SPIDR: variants seen among roughly 807,000 people sequenced by gnomAD.
SPIDR encodes DNA repair-scaffolding protein.
A neutral mutation model predicts 104.6 loss-of-function variants in SPIDR; 93 were observed. The ratio of observed to expected loss-of-function variants is 0.89; its 90% CI spans 0.75 to 1.06. The LOEUF is 1.06. SPIDR is among the 50% of genes least tolerant of loss of function. The pLI is 0.00. For synonymous variants in SPIDR, 431 were observed against 416.9 expected, an observed-to-expected ratio of 1.03 and a Z score of -0.41; for missense variants, 1,154 against 1,111.2, an observed-to-expected ratio of 1.04 and a Z score of -0.55.
chr8:47,319,541 CAG>C (rs2046105946), intron 5 of SPIDR, among the ~76,000 whole-genome samples: 1 of 152,126 alleles, frequency 6.6e-6, no homozygotes, highest in Non-Finnish European at 1.5e-5. Flanking sequence ...ATCAGTGAGA[CAG>C]AAAGTTAACA....
intron 6 of SPIDR, among the ~76,000 whole-genome samples, chr8:47,403,388 T>G (rs2062206314): frequency 6.6e-6 from 1 of 152,130 alleles, no homozygotes; most frequent in Non-Finnish European, 1.5e-5. Context: ...TAAAGGGTGT[T>G]CAGTTAGGAA....
chr8:47,269,944 A>C (rs2034948201), intron 1 of SPIDR, among the ~76,000 whole-genome samples: 1 of 152,144 alleles, frequency 6.6e-6, no homozygotes, highest in Non-Finnish European at 1.5e-5. Flanking sequence ...TTATTTTGTT[A>C]ATATATGACA....
At chr8:47,437,363 G>A (rs1470935747) in intron 7 of SPIDR, among the ~76,000 whole-genome samples, 11 of 151,476 alleles carry the variant, frequency 7.3e-5, no homozygotes, top group Admixed American at 4.6e-4. Context: ...TTGTTCTTGC[G>A]ATAGTTTACT....
intron 8 of SPIDR, among the ~76,000 whole-genome samples, chr8:47,585,322 G>T (rs1008319164): frequency 6.6e-6 from 1 of 152,104 alleles, no homozygotes; most frequent in African/African-American, 2.4e-5. Context: ...CTTAATATAT[G>T]GAAGTCTTAA....
rs533529282 is a variant in SPIDR, at chr8:47,431,331, C to G, written c.878-8992C>G. On this transcript the variant is annotated intron_variant, in intron 7 of 19. Coordinates refer to ENST00000297423, the MANE Select transcript of SPIDR (RefSeq NM_001080394.4). ...AATACAACCAGACTGAAGGTTAGGA[C>G]TTCAACATAGGAATTTTGAGGGGAC... Among the ~76,000 whole-genome samples the G allele has an allele frequency of 2.8e-4, 43 of 152,342 alleles. No homozygotes were observed. In the South Asian group the frequency reaches 8.7e-3, roughly 31 times the overall value.
chr8:47,479,344 G>A (rs1303592762), intron 8 of SPIDR, among the ~76,000 whole-genome samples: 4 of 149,792 alleles, frequency 2.7e-5, no homozygotes, highest in African/African-American at 9.8e-5. Context: ...GGGCAACAGA[G>A]TGAGACTCTC....
intron 8 of SPIDR, among the ~76,000 whole-genome samples, chr8:47,485,831 A>T (rs1165657543): frequency 1.3e-5 from 2 of 152,238 alleles, no homozygotes; most frequent in Non-Finnish European, 2.9e-5. Flanking sequence ...AAGGACATCC[A>T]CACCAAAACC....
intron 5 of SPIDR, among the ~76,000 whole-genome samples, chr8:47,328,772 CATCT>C (rs2048139597): frequency 6.6e-6 from 1 of 152,054 alleles, no homozygotes; most frequent in African/African-American, 2.4e-5. Context: ...GATATAGTTG[CATCT>C]ATGTACACCA....
chr8:47,282,376 T>G (rs1414127449), intron 2 of SPIDR, among the ~76,000 whole-genome samples: 17 of 152,268 alleles, frequency 1.1e-4, no homozygotes, highest in Admixed American at 9.8e-4. Context: ...ATAAGGCTCT[T>G]TCATCTATAT....
intron 7 of SPIDR, among the ~76,000 whole-genome samples, chr8:47,416,031 G>A (rs1229912957): frequency 1.3e-5 from 2 of 152,178 alleles, no homozygotes; most frequent in Non-Finnish European, 2.9e-5. Flanking sequence ...AGATCACAAG[G>A]TCAGGAGTTT....
At chr8:47,395,598 A>G (rs1347317059) in intron 5 of SPIDR, among the ~76,000 whole-genome samples, 2 of 152,198 alleles carry the variant, frequency 1.3e-5, no homozygotes, top group African/African-American at 2.4e-5. Flanking sequence ...TAAATTTGGC[A>G]TGTGTCTTGG....
intron 11 of SPIDR, among the ~76,000 whole-genome samples, chr8:47,688,714 G>A (rs1421176678): frequency 6.6e-6 from 1 of 152,240 alleles, no homozygotes; most frequent in South Asian, 2.1e-4. Flanking sequence ...TGCACATCGT[G>A]GGGGTGGGGT....
chr8:47,319,398 G>T (rs201658588), intron 5 of SPIDR, among the ~76,000 whole-genome samples: 6 of 152,134 alleles, frequency 3.9e-5, no homozygotes, highest in Non-Finnish European at 5.9e-5. Context: ...GAGCTAGCTA[G>T]CCTAAATATA....
intron 7 of SPIDR, among the ~76,000 whole-genome samples, chr8:47,419,454 C>T (rs371147301): frequency 2.0e-5 from 3 of 152,190 alleles, no homozygotes; most frequent in South Asian, 2.1e-4. Flanking sequence ...TCTGTGGGAT[C>T]GGTGGTGATA....
chr8:47,359,103 G>T (rs1047953882), intron 5 of SPIDR, among the ~76,000 whole-genome samples: 1 of 150,540 alleles, frequency 6.6e-6, no homozygotes, highest in Non-Finnish European at 1.5e-5. Context: ...AAAAAAAAAA[G>T]TTTTTTTTTA....
At chr8:47,271,746 A>AT (rs1226856746) in intron 1 of SPIDR, among the ~76,000 whole-genome samples, 7 of 151,928 alleles carry the variant, frequency 4.6e-5, no homozygotes, top group African/African-American at 1.7e-4. Context: ...TTTTGACTAC[A>AT]TTTTTTCCTT....
chr8:47,649,167 C>T (rs2071130963), intron 10 of SPIDR, among the ~76,000 whole-genome samples: 1 of 151,690 alleles, frequency 6.6e-6, no homozygotes. Context: ...CACTGGAGCC[C>T]AGGAGTTTGA....
rs2075871080 is a variant in SPIDR, at chr8:47,472,741, A to T, written c.1097+32199A>T. On this transcript the variant is annotated intron_variant, in intron 8 of 19. Transcript: ENST00000297423. ...CAACCCAAGTAATTACCTGTCAGAG[A>T]TATAAGATAGTTTTGATCTAGCTTT... Among the ~76,000 whole-genome samples the T allele has an allele frequency of 3.3e-5, 5 of 152,342 alleles. No individual in the cohort carries two copies. The South Asian group carries it at 1.0e-3, about 32-fold the overall frequency.
intron 1 of SPIDR, among the ~76,000 whole-genome samples, chr8:47,264,025 T>C (rs1554544781): frequency 1.3e-5 from 2 of 152,228 alleles, no homozygotes; most frequent in African/African-American, 4.8e-5. Flanking sequence ...AGAACTAGTT[T>C]AGAAGATTTG....
Sources: gnomAD v4.1 joint callset for allele counts (sites outside exome capture counted in the v4.1 genomes callset) on GRCh38, gnomAD v4.1.1 for gene constraint, MANE v1.5 for transcripts, NCBI Gene and HGNC (gene_info 2026-07-23, HGNC 2026-07-21) for gene names.